ARHGAP32: variants seen among roughly 807,000 people sequenced by gnomAD.
ARHGAP32 encodes the protein rho GTPase-activating protein 32.
Under a neutral mutation model 186.5 loss-of-function variants are expected in ARHGAP32, and 51 were observed. That is an observed-to-expected ratio of 0.27 (90% CI 0.22 to 0.35). The LOEUF (loss-of-function observed/expected upper bound fraction) is 0.35, where lower values mean the gene tolerates loss of function less well. ARHGAP32 is among the 10% of genes least tolerant of loss of function. The pLI is 1.00. For missense variants in ARHGAP32, 2,186 were observed against 2,623.5 expected, an observed-to-expected ratio of 0.83 and a Z score of 3.64; for synonymous variants, 950 against 964.3, an observed-to-expected ratio of 0.99 and a Z score of 0.27.
chr11:128,977,287 C>T (rs760674123), intron 19 of ARHGAP32, among the ~76,000 whole-genome samples: 2 of 152,214 alleles, frequency 1.3e-5, no homozygotes, highest in Non-Finnish European at 2.9e-5. Context: ...ACTTTACGTA[C>T]ATATGTGAAT....
chr11:129,079,113 T>C (rs768797970), intron 6 of ARHGAP32, among the ~76,000 whole-genome samples: 7 of 152,166 alleles, frequency 4.6e-5, no homozygotes, highest in African/African-American at 7.2e-5. Flanking sequence ...TTTGGGATAA[T>C]GTTAGATGAC....
upstream of ARHGAP32, among the ~76,000 whole-genome samples, chr11:129,196,183 T>C (rs1051782853): frequency 1.3e-5 from 2 of 152,200 alleles, no homozygotes; most frequent in Admixed American, 6.5e-5. Context: ...AAGAGAAACA[T>C]TGTTAAAAGT....
intron 2 of ARHGAP32, among the ~76,000 whole-genome samples, chr11:129,127,117 G>T (rs553030312): frequency 6.6e-6 from 1 of 152,226 alleles, no homozygotes; most frequent in East Asian, 1.9e-4. Context: ...GTGCTAGCTG[G>T]GGAGGCCACT....
At position 128,970,181 on chromosome 11, in the gene ARHGAP32, C is replaced by T. The variant is rs1374331246; in HGVS notation, c.5032G>A (p.Asp1678Asn). ...GCATCCACATCACACAGGGCCCCAT[C>T]TGGACTGTAATAGGAACTAGAAGAA... is the stretch of plus-strand genomic sequence containing the variant. ...SSSSSSYYSP[D>N]GALCDVDAYG... The change falls in exon 23 of 23, where the codon GAT becomes AAT. Residue 1678 changes from aspartate (D) to asparagine (N), a missense_variant. Around this residue, in one of 5 missense-constraint regions of ARHGAP32, gnomAD observed 1,502 missense variants for 1,570.0 expected, o/e 0.96. Coordinates refer to ENST00000682385, the MANE Select transcript of ARHGAP32 (RefSeq NM_001378024.1). The surrounding 1 kb of genome is among the most constrained non-coding windows in gnomAD (Gnocchi z 5.8). The T allele has an allele frequency of 1.9e-6, 3 of 1,614,214 alleles. No homozygotes were observed. The highest frequency in any genetic ancestry group is 1.7e-5 in the Admixed American group (1 of 60,032).
At chr11:129,143,643 G>T (rs1943110269) in intron 2 of ARHGAP32, among the ~76,000 whole-genome samples, 4 of 115,856 alleles carry the variant, frequency 3.5e-5, no homozygotes, top group African/African-American at 2.9e-5. Flanking sequence ...GAGGAGTGAT[G>T]CTGCCAACAT....
At chr11:129,272,745 T>C (rs984728644) in intron 1 of ARHGAP32, among the ~76,000 whole-genome samples, 3 of 152,220 alleles carry the variant, frequency 2.0e-5, no homozygotes, top group Non-Finnish European at 4.4e-5. Flanking sequence ...ACTGCTAGAA[T>C]AGAAGACCTG....
At position 128,980,539 on chromosome 11, in the gene ARHGAP32, T is replaced by A. The variant is rs754842518; in HGVS notation, c.1976+14A>T. On this transcript the variant is annotated intron_variant, in intron 18 of 22. Coordinates refer to ENST00000682385, the MANE Select transcript of ARHGAP32 (RefSeq NM_001378024.1). The stretch of plus-strand genomic sequence containing the variant: ...TGAAAATCATATCCCAAAATAGGAT[T>A]TAACAAATTTTACCTTTCAAGTGGG... The A allele has an allele frequency of 1.3e-6, 2 of 1,589,664 alleles. No homozygotes were observed. Among genetic ancestry groups the A allele is most frequent in the Non-Finnish European group, 1.7e-6 (2 of 1,166,246 alleles).
At chr11:129,032,039 G>A (rs142039143) in intron 11 of ARHGAP32, among the ~76,000 whole-genome samples, 112 of 152,142 alleles carry the variant, frequency 7.4e-4, no homozygotes, top group Non-Finnish European at 4.6e-4. Flanking sequence ...CACTTCTACC[G>A]CTCAATAAAA....
intron 6 of ARHGAP32, among the ~76,000 whole-genome samples, chr11:129,080,866 A>C (rs1437635747): frequency 6.6e-6 from 1 of 152,092 alleles, no homozygotes; most frequent in Non-Finnish European, 1.5e-5. Flanking sequence ...GGCAATATCA[A>C]CCAAGAAAAG....
chr11:128,981,206 G>T (rs1272314780), intron 17 of ARHGAP32, among the ~76,000 whole-genome samples: 2 of 152,150 alleles, frequency 1.3e-5, no homozygotes, highest in African/African-American at 4.8e-5. Flanking sequence ...AATGTGTCAT[G>T]AACTTAGATC....
chr11:129,110,864 T>G (rs1159432557), intron 5 of ARHGAP32, among the ~76,000 whole-genome samples: 1 of 152,182 alleles, frequency 6.6e-6, no homozygotes, highest in Non-Finnish European at 1.5e-5. Context: ...TGTAAGATCA[T>G]ATTTGCAAAG....
chr11:129,056,223 T>G (rs1940248477), intron 10 of ARHGAP32, among the ~76,000 whole-genome samples: 1 of 152,204 alleles, frequency 6.6e-6, no homozygotes, highest in Admixed American at 6.5e-5. Flanking sequence ...CATGAAACTC[T>G]GAACTATCTG....
intron 1 of ARHGAP32, among the ~76,000 whole-genome samples, chr11:129,275,285 T>G (rs1945517259): frequency 1.3e-5 from 2 of 152,244 alleles, no homozygotes; most frequent in South Asian, 4.1e-4. Context: ...GAGTGCTTAC[T>G]GTATGTCAGA....
At chr11:129,148,107 T>C (rs1943208293) in intron 2 of ARHGAP32, among the ~76,000 whole-genome samples, 1 of 152,212 alleles carries the variant, frequency 6.6e-6, no homozygotes, top group Non-Finnish European at 1.5e-5. Flanking sequence ...CAGACAATGC[T>C]AACGTGTAGC....
Position 128,970,887 on chromosome 11 carries a change from G to A in ARHGAP32, c.4326C>T (p.His1442=), listed in dbSNP as rs1388778447. Residue 1442 remains histidine, a synonymous_variant, in exon 23 of 23, where the codon CAC becomes CAT. Coordinates refer to ENST00000682385, the MANE Select transcript of ARHGAP32 (RefSeq NM_001378024.1). This position sits in a 1 kb window ranked among gnomAD's most constrained non-coding sequence, Gnocchi z 5.8. ...TGCTGGTGGCATCTGCACTGCTGGA[G>A]TGTATGGCAGCAATCATCTTACTCT... ...MMESKMIAAI[H]SSSADATSSS... is the part of the protein sequence containing the mutation. 9 of 1,614,250 alleles carry A rather than the reference G, an allele frequency of 5.6e-6. No individual in the cohort carries two copies. Among genetic ancestry groups the A allele is most frequent in the Non-Finnish European group, 7.6e-6 (9 of 1,180,044 alleles).
intron 1 of ARHGAP32, among the ~76,000 whole-genome samples, chr11:129,268,255 T>C (rs1945431159): frequency 6.6e-6 from 1 of 152,148 alleles, no homozygotes; most frequent in Admixed American, 6.5e-5. Flanking sequence ...GAACTAGCCA[T>C]TTTTCACAGA....
At chr11:129,128,917 T>C (rs1017911265) in intron 2 of ARHGAP32, among the ~76,000 whole-genome samples, 2 of 152,178 alleles carry the variant, frequency 1.3e-5, no homozygotes, top group Non-Finnish European at 2.9e-5. Context: ...TGCAGTGGCG[T>C]GATCTCGGCT....
intron 2 of ARHGAP32, among the ~76,000 whole-genome samples, chr11:129,162,780 A>G (rs1461925513): frequency 6.6e-6 from 1 of 152,202 alleles, no homozygotes; most frequent in Non-Finnish European, 1.5e-5. Flanking sequence ...TATATATAAG[A>G]AACACTGACG....
At chr11:129,104,087 A>G (rs991340872) in intron 5 of ARHGAP32, among the ~76,000 whole-genome samples, 3 of 152,124 alleles carry the variant, frequency 2.0e-5, no homozygotes, top group African/African-American at 4.8e-5. Context: ...TACCTAAACT[A>G]TCATGTAAAA....
Sources: allele counts gnomAD v4.1 joint callset (sites outside exome capture counted in the v4.1 genomes callset), GRCh38; gene constraint gnomAD v4.1.1; regional missense constraint gnomAD v4.1.1; non-coding constraint Gnocchi (gnomAD v3.1); transcripts MANE v1.5; gene names NCBI Gene and HGNC (gene_info 2026-07-23, HGNC 2026-07-21).